Variants in WDHD1 observed in about 807,000 individuals in gnomAD.
The protein encoded by WDHD1 is WD repeat and HMG-box DNA-binding protein 1.
In WDHD1, 111 loss-of-function variants were observed where a neutral mutation model predicts 135.4. The observed-to-expected ratio is 0.82, with a 90% confidence interval of 0.70 to 0.96. The LOEUF (loss-of-function observed/expected upper bound fraction) is 0.96. WDHD1 is among the 40% of genes least tolerant of loss of function. The probability of loss-of-function intolerance (pLI) is 0.00; values close to 1 mark genes in which losing one functional copy is unlikely to be tolerated. For synonymous variants in WDHD1, 434 were observed against 439.0 expected, an observed-to-expected ratio of 0.99 and a Z score of 0.14; for missense variants, 1,351 against 1,336.3, an observed-to-expected ratio of 1.01 and a Z score of -0.17.
chr14:55,019,374 A>C (rs909009424), intron 2 of WDHD1, among the ~76,000 whole-genome samples: 1 of 152,142 alleles, frequency 6.6e-6, no homozygotes, highest in Non-Finnish European at 1.5e-5. Context: ...CTTTGTTTCA[A>C]ATTTTCAAAA....
rs1252267211 is a variant in WDHD1 at position 54,991,357 on chromosome 14, C to T, written c.1197G>A (p.Glu399=). 6.2e-7 allele frequency: 1 copy of T among 1,614,160 alleles called. No homozygotes were observed. Among genetic ancestry groups the T allele is most frequent in the Admixed American group, 1.7e-5 (1 of 60,022 alleles). Residue 399 remains glutamate (E), a synonymous_variant, in exon 12 of 26, where the codon GAG becomes GAA. Coordinates refer to ENST00000360586, the MANE Select transcript of WDHD1 (RefSeq NM_007086.4). The part of the protein sequence containing the change: ...LKTGSSLLKE[E]EEDGQEGSIH... Reference sequence around the variant, plus strand: ...TGCTGCCTTCTTGACCATCTTCCTCCTCCTCTTTGAGAAGACTAGAACCAG... The same window carrying T: ...TGCTGCCTTCTTGACCATCTTCCTCTTCCTCTTTGAGAAGACTAGAACCAG...
At chr14:54,976,800 T>G (rs1261596327) in intron 16 of WDHD1, among the ~76,000 whole-genome samples, 1 of 151,394 alleles carries the variant, frequency 6.6e-6, no homozygotes, top group Non-Finnish European at 1.5e-5. Context: ...AAAAGAAAAA[T>G]ATTCTTATTC....
Position 55,008,305 on chromosome 14 carries a change from G to T in WDHD1, c.504+11C>A, listed in dbSNP as rs1294178090. 6.2e-7 allele frequency: 1 copy of T among 1,611,318 alleles called. No homozygotes were observed. Among genetic ancestry groups the T allele is most frequent in the South Asian group, 1.1e-5 (1 of 90,532 alleles). On this transcript the variant is annotated intron_variant, in intron 6 of 25. Transcript: ENST00000360586. ...GGGCAAAAAACTTTAAATTTAAATT[G>T]CTGAGTTTACCTGATCTGAAATTTG... is the stretch of plus-strand genomic sequence containing the variant.
chr14:54,949,070 C>T (rs748518830), intron 24 of WDHD1, among the ~76,000 whole-genome samples: 1 of 152,246 alleles, frequency 6.6e-6, no homozygotes, highest in East Asian at 1.9e-4. Flanking sequence ...AGCAAAAAAG[C>T]TGAAAATTCT....
chr14:55,001,932 T>C (rs910782343), intron 8 of WDHD1, among the ~76,000 whole-genome samples, 161 bp downstream of exon 8: 6 of 152,236 alleles, frequency 3.9e-5, no homozygotes, highest in African/African-American at 1.4e-4. Flanking sequence ...TATCCAGTTA[T>C]TGATCAAATG....
intron 16 of WDHD1, among the ~76,000 whole-genome samples, chr14:54,967,738 A>G (rs564725401): frequency 7.0e-4 from 107 of 152,160 alleles, no homozygotes; most frequent in Non-Finnish European, 8.5e-4. Flanking sequence ...CTCCCACCTC[A>G]GCCTCCCAAG....
At chr14:54,997,664 G>A (rs1477573296) in intron 10 of WDHD1, among the ~76,000 whole-genome samples, 2 of 151,898 alleles carry the variant, frequency 1.3e-5, no homozygotes, top group African/African-American at 2.4e-5. Context: ...TGTAATCCCA[G>A]CACTTTGGGA....
chr14:54,979,558 T>C (rs895509812), intron 16 of WDHD1, among the ~76,000 whole-genome samples: 5 of 152,214 alleles, frequency 3.3e-5, no homozygotes, highest in Non-Finnish European at 7.3e-5. Flanking sequence ...ATCACTTTTA[T>C]CAGAGTCACC....
chr14:54,993,748 A>AT (rs66881784), intron 11 of WDHD1, among the ~76,000 whole-genome samples: 45,357 of 149,178 alleles, frequency 0.3, 8,907 homozygotes, highest in African/African-American at 0.56. Flanking sequence ...CTTCTCACTA[A>AT]TTTTTTTTGT....
Position 54,957,021 on chromosome 14 carries a change from G to A in WDHD1, c.2916+13C>T. 1 of 1,611,354 alleles carries A rather than the reference G, an allele frequency of 6.2e-7. No homozygotes were observed. ...ATGCTGCTTACTGCAGATGAGGGTA[G>A]CTGAAACAGTACCTGCTTAGGCTTC... On this transcript the variant is annotated intron_variant, in intron 23 of 25. Transcript: ENST00000360586.
At chr14:55,002,988 A>C (rs1016562377) in intron 7 of WDHD1, among the ~76,000 whole-genome samples, 2 of 152,196 alleles carry the variant, frequency 1.3e-5, no homozygotes, top group African/African-American at 2.4e-5. Flanking sequence ...AAATATCTTG[A>C]AAAACAAGAA....
At chr14:55,023,406 A>C (rs953391631) in intron 2 of WDHD1, among the ~76,000 whole-genome samples, 2 of 152,224 alleles carry the variant, frequency 1.3e-5, no homozygotes, top group African/African-American at 2.4e-5. Context: ...TCCTTTTCAC[A>C]GTGGTCCTTA....
At chr14:54,949,608 C>G (rs961402604) in intron 24 of WDHD1, among the ~76,000 whole-genome samples, 4 of 152,134 alleles carry the variant, frequency 2.6e-5, no homozygotes, top group Non-Finnish European at 5.9e-5. Context: ...ACTTCCCCAA[C>G]CTAGCAAGGC....
Position 55,000,524 on chromosome 14 carries a change from A to G in WDHD1, c.921T>C (p.Ser307=). 1 of 1,604,626 alleles carries G rather than the reference A, an allele frequency of 6.2e-7. No individual in the cohort carries two copies. Among genetic ancestry groups the G allele is most frequent in the South Asian group, 1.1e-5 (1 of 89,642 alleles). The change falls in exon 10 of 26, where the codon AGT becomes AGC. Residue 307 remains serine, a synonymous_variant. Transcript: ENST00000360586. ...TTACCTTACTGCTTGATGTCTTTCCACTGGGGTCACAAACATTCTCTAGAA... is the reference window on the plus strand; with the variant it reads ...TTACCTTACTGCTTGATGTCTTTCCGCTGGGGTCACAAACATTCTCTAGAA... ...LGLLENVCDP[S]GKTSSSKVSS...
chr14:54,960,667 T>A (rs1217727403), intron 21 of WDHD1, among the ~76,000 whole-genome samples: 1 of 146,724 alleles, frequency 6.8e-6, no homozygotes, highest in Non-Finnish European at 1.5e-5. Context: ...GCCCGGCTAA[T>A]TTTTTTTTTT....
chr14:54,964,738 T>C (rs893377713), intron 18 of WDHD1, among the ~76,000 whole-genome samples: 4 of 152,226 alleles, frequency 2.6e-5, no homozygotes, highest in Admixed American at 6.5e-5. Flanking sequence ...AAAGAAGAAC[T>C]CAACAATCCC....
chr14:54,997,575 T>G (rs2041903876), intron 10 of WDHD1, among the ~76,000 whole-genome samples: 1 of 152,164 alleles, frequency 6.6e-6, no homozygotes, highest in African/African-American at 2.4e-5. Flanking sequence ...TAAAAGTTTG[T>G]GTACTCAAGC....
At chr14:54,964,531 C>T (rs888716564) in intron 18 of WDHD1, among the ~76,000 whole-genome samples, 4 of 151,718 alleles carry the variant, frequency 2.6e-5, no homozygotes, top group Admixed American at 6.6e-5. Context: ...CCCAGCTACT[C>T]GGGAGGCTGA....
intron 16 of WDHD1, among the ~76,000 whole-genome samples, chr14:54,969,853 C>A (rs78138184): frequency 0.029 from 4,407 of 152,270 alleles, 81 homozygotes; most frequent in Admixed American, 0.051. Context: ...TAATACACCA[C>A]AACCAGTAGG....
Sources: gnomAD v4.1 joint callset for allele counts (sites outside exome capture counted in the v4.1 genomes callset) on GRCh38, gnomAD v4.1.1 for gene constraint, MANE v1.5 for transcripts, NCBI Gene and HGNC (gene_info 2026-07-23, HGNC 2026-07-21) for gene names.